The following NVL variants were observed in gnomAD, a reference collection of about 807,000 sequenced individuals.
NVL encodes nuclear VCP like, also known as nuclear valosin-containing protein-like.
In NVL, 84 loss-of-function variants were observed where a neutral mutation model predicts 110.2. The observed-to-expected ratio is 0.76, with a 90% CI of 0.64 to 0.91. The LOEUF is 0.91. Among genes scored for constraint, NVL ranks in the 40% least tolerant of loss-of-function variants. The pLI, the probability that NVL is intolerant of heterozygous loss-of-function variation, is 0.00. For synonymous variants in NVL, 354 were observed against 361.1 expected (o/e 0.98, Z 0.22); for missense variants, 882 against 1,035.9 (o/e 0.85, Z 2.04).
rs185037914 is a variant in NVL, at chr1:224,290,863, G to A, written c.1326-1130C>T. Among the ~76,000 whole-genome samples the A allele has an allele frequency of 4.6e-3, 702 of 151,822 alleles. 8 individuals are homozygous for A. The highest frequency in any genetic ancestry group is 0.016 in the African/African-American group (661 of 41,398). On this transcript the variant is annotated intron_variant, in intron 12 of 22. Coordinates refer to ENST00000281701, the MANE Select transcript of NVL (RefSeq NM_002533.4). ...CGGGTACCTGTAATCCTAGCTACAC[G>A]GGAGCCTGAGGAAGGAGAATTGCTT...
Position 224,289,732 on chromosome 1 carries a change from T to C in NVL, c.1327A>G (p.Ile443Val), listed in dbSNP as rs747315495. 2 of 1,606,140 alleles carry C rather than the reference T, an allele frequency of 1.2e-6. No individual in the cohort carries two copies. Among genetic ancestry groups the C allele is most frequent in the South Asian group, 2.2e-5 (2 of 90,190 alleles). Residue 443 changes from isoleucine (I) to valine (V), a missense_variant and splice_region_variant, in exon 13 of 23, where the codon ATA becomes GTA. Ile to Val is a conservative substitution (Grantham distance 29, BLOSUM62 3). Around this residue, in one of 4 missense-constraint regions of NVL, gnomAD observed 416 missense variants for 499.3 expected, o/e 0.83. Coordinates refer to ENST00000281701, the MANE Select transcript of NVL (RefSeq NM_002533.4). The part of the protein sequence containing the change: ...GIPDEASRER[I>V]LQTLCRKLRL... ...AGTTTTCTGCACAATGTTTGAAGTATTCTGTAGAAAAGACAGGGGAAAAAA... is the reference window on the plus strand; with the variant it reads ...AGTTTTCTGCACAATGTTTGAAGTACTCTGTAGAAAAGACAGGGGAAAAAA...
chr1:224,293,131 G>A (rs930301388), intron 12 of NVL, among the ~76,000 whole-genome samples: 1 of 149,696 alleles, frequency 6.7e-6, no homozygotes, highest in Non-Finnish European at 1.5e-5. Flanking sequence ...GTGCAGTGGC[G>A]CCATCTCGGC....
intron 20 of NVL, among the ~76,000 whole-genome samples, chr1:224,234,798 T>G (rs1363659040): frequency 3.3e-5 from 5 of 152,128 alleles, no homozygotes; most frequent in African/African-American, 1.2e-4. Context: ...ACTGTAATTA[T>G]AGTGGCATGA....
At chr1:224,287,146 T>A (rs1170985257) in intron 14 of NVL, among the ~76,000 whole-genome samples, 2 of 152,170 alleles carry the variant, frequency 1.3e-5, no homozygotes, top group African/African-American at 2.4e-5. Context: ...GAGGTCATTA[T>A]GTTAGTGAAA....
intron 4 of NVL, among the ~76,000 whole-genome samples, chr1:224,316,876 G>T (rs1455637038): frequency 1.3e-5 from 2 of 151,964 alleles, no homozygotes; most frequent in Non-Finnish European, 2.9e-5. Context: ...AATGGCTCAC[G>T]CCTGTAATCC....
chr1:224,246,755 G>T (rs1661863163), intron 19 of NVL, among the ~76,000 whole-genome samples: 1 of 152,158 alleles, frequency 6.6e-6, no homozygotes, highest in African/African-American at 2.4e-5. Context: ...AGCCAAGAAG[G>T]CCGGGCATGG....
intron 17 of NVL, among the ~76,000 whole-genome samples, chr1:224,273,771 C>T (rs1465172804): frequency 6.6e-6 from 1 of 152,080 alleles, no homozygotes; most frequent in Admixed American, 6.6e-5. Context: ...TGCTCCATAG[C>T]CCACAGTAGA....
chr1:224,304,667 G>T, intron 8 of NVL, 69 bp downstream of exon 8: 1 of 1,319,126 alleles, frequency 7.6e-7, no homozygotes, highest in Non-Finnish European at 1.1e-6. Context: ...GAAACAAAGA[G>T]GTAGGCTTTT....
Position 224,236,584 on chromosome 1 carries a change from T to G in NVL, c.2290-2A>C, listed in dbSNP as rs564655887. ...ATCCAGTGGTGGTTTGGTACCATTC[T>G]AAGTAAGAGAGAAAAATGATTTTTC... On this transcript the variant is annotated splice_acceptor_variant, in intron 19 of 22. Transcript: ENST00000281701. LOFTEE classifies it high-confidence loss of function. The G allele has an allele frequency of 6.2e-7, 1 of 1,611,876 alleles. No homozygotes were observed. The highest frequency in any genetic ancestry group is 1.1e-5 in the South Asian group (1 of 91,012).
intron 17 of NVL, among the ~76,000 whole-genome samples, chr1:224,270,588 T>C (rs1269990256): frequency 6.6e-6 from 1 of 151,808 alleles, no homozygotes; most frequent in Non-Finnish European, 1.5e-5. Context: ...AAACAAAACC[T>C]ATAATATTCT....
chr1:224,286,198 C>A, intron 14 of NVL, 68 bp from the exon 15 acceptor site: 5 of 1,103,488 alleles, frequency 4.5e-6, no homozygotes, highest in Non-Finnish European at 6.7e-6. Flanking sequence ...AAATTATTTC[C>A]AGATACATAT....
chr1:224,240,022 A>C (rs1261645271), intron 19 of NVL, among the ~76,000 whole-genome samples: 1 of 142,526 alleles, frequency 7.0e-6, no homozygotes, highest in East Asian at 2.0e-4. Flanking sequence ...CTCAGCCCCG[A>C]GTAGCTGGGA....
chr1:224,305,291 T>G, intron 6 of NVL, 125 bp from the exon 7 acceptor site: 2 of 885,638 alleles, frequency 2.3e-6, no homozygotes, highest in Admixed American at 2.9e-5. Context: ...CTCTGTTAAC[T>G]ATTCCCAATC....
At chr1:224,246,558 A>T (rs1457579072) in intron 19 of NVL, among the ~76,000 whole-genome samples, 1 of 152,124 alleles carries the variant, frequency 6.6e-6, no homozygotes, top group Non-Finnish European at 1.5e-5. Context: ...TACCAATCCA[A>T]CTTTTCTCTT....
intron 2 of NVL, among the ~76,000 whole-genome samples, chr1:224,319,986 T>A (rs1670484986): frequency 6.6e-6 from 1 of 152,008 alleles, no homozygotes; most frequent in Admixed American, 6.6e-5. Context: ...TTCTATATAG[T>A]AACTACCTGT....
chr1:224,275,108 G>C (rs1217198295), intron 17 of NVL, among the ~76,000 whole-genome samples: 1 of 152,120 alleles, frequency 6.6e-6, no homozygotes, highest in Non-Finnish European at 1.5e-5. Flanking sequence ...GTGTGAATTA[G>C]GATGACCTAA....
At chr1:224,238,988 C>T (rs1237466175) in intron 19 of NVL, among the ~76,000 whole-genome samples, 1 of 152,180 alleles carries the variant, frequency 6.6e-6, no homozygotes, top group Non-Finnish European at 1.5e-5. Flanking sequence ...CCCATTCTTC[C>T]TGCCCCCGCC....
At chr1:224,276,431 G>T (rs1214395023) in intron 16 of NVL, among the ~76,000 whole-genome samples, 1 of 152,030 alleles carries the variant, frequency 6.6e-6, no homozygotes, top group East Asian at 1.9e-4. Flanking sequence ...TAGAGATGGG[G>T]TTTCACCATG....
chr1:224,305,413 G>A (rs568803770), intron 6 of NVL: 2 of 361,430 alleles, frequency 5.5e-6, no homozygotes, highest in East Asian at 9.8e-5. Flanking sequence ...ACTAAAATTG[G>A]AATGATACAA....
Sources: gnomAD v4.1 joint callset for allele counts (sites outside exome capture counted in the v4.1 genomes callset) on GRCh38, gnomAD v4.1.1 for gene constraint, gnomAD v4.1.1 regional missense constraint, MANE v1.5 for transcripts, NCBI Gene and HGNC (gene_info 2026-07-23, HGNC 2026-07-21) for gene names.